SP140: variants seen among roughly 807,000 people sequenced by gnomAD.
The protein encoded by SP140 is SP140 nuclear body protein, also known as nuclear body protein SP140.
A neutral mutation model predicts 125.0 loss-of-function variants in SP140; 81 were observed. That is an observed-to-expected ratio of 0.65 (90% confidence interval 0.54 to 0.78). SP140 has a LOEUF of 0.78. Ranked by LOEUF, SP140 falls within the 30% of genes least tolerant of loss-of-function variation. The pLI, the probability that SP140 is intolerant of heterozygous loss-of-function variation, is 0.00. For missense variants in SP140, 858 were observed against 1,037.0 expected, an observed-to-expected ratio of 0.83 and a Z score of 2.37; for synonymous variants, 312 against 354.0, an observed-to-expected ratio of 0.88 and a Z score of 1.33.
intron 3 of SP140, among the ~76,000 whole-genome samples, chr2:230,215,295 T>C (rs894490218): frequency 2.0e-5 from 3 of 152,208 alleles, no homozygotes; most frequent in Non-Finnish European, 4.4e-5. Flanking sequence ...TGCTTATTTT[T>C]GAAACTTTAC....
chr2:230,201,106 G>A, upstream of SP140: 1 of 736,300 alleles, frequency 1.4e-6, no homozygotes, highest in Non-Finnish European at 2.4e-6. Flanking sequence ...CATCTACCAA[G>A]AGATTTGGTG....
chr2:230,234,138 A>G (rs1045864261), intron 1 of SP140, among the ~76,000 whole-genome samples: 1 of 152,218 alleles, frequency 6.6e-6, no homozygotes. Flanking sequence ...CGTCCTACAC[A>G]GTGTCAGTAA....
chr2:230,213,219 G>A (rs1215256372), intron 1 of SP140, among the ~76,000 whole-genome samples: 1 of 152,058 alleles, frequency 6.6e-6, no homozygotes, highest in Admixed American at 6.5e-5. Context: ...TCTGGTTTGG[G>A]CATTGAGTGC....
chr2:230,297,314 C>T (rs556408845), intron 21 of SP140, 107 bp from the exon 22 acceptor site: 27 of 1,330,660 alleles, frequency 2.0e-5, no homozygotes, highest in Non-Finnish European at 2.5e-5. Context: ...TATTTTTTAA[C>T]AACTGGTTCC....
At chr2:230,223,646 A>T (rs745447782), upstream of SP140, among the ~76,000 whole-genome samples, 8 of 152,258 alleles carry the variant, frequency 5.3e-5, no homozygotes, top group African/African-American at 1.7e-4. Context: ...GTTATCTGAC[A>T]TAATTGGACA....
At chr2:230,223,857 A>G (rs1322024966), upstream of SP140, among the ~76,000 whole-genome samples, 1 of 152,202 alleles carries the variant, frequency 6.6e-6, no homozygotes, top group East Asian at 1.9e-4. Flanking sequence ...GAAAGCATTG[A>G]TTTACCTTTG....
chr2:230,186,413 G>C, the SP140 span, among the ~76,000 whole-genome samples: 20 of 152,112 alleles, frequency 1.3e-4, no homozygotes, highest in African/African-American at 4.8e-4. Context: ...CCAGGACCTA[G>C]GACAGATACC....
intron 9 of SP140, 107 bp downstream of exon 9, chr2:230,249,075 C>A (rs1196643648): frequency 5.3e-6 from 4 of 747,882 alleles, no homozygotes; most frequent in Non-Finnish European, 9.0e-6. Flanking sequence ...TCTTCACATT[C>A]GCATACATAC....
chr2:230,269,430 A>G, intron 12 of SP140, 102 bp from the exon 13 acceptor site: 1 of 773,374 alleles, frequency 1.3e-6, no homozygotes, highest in Non-Finnish European at 2.3e-6. Flanking sequence ...AGAACAGTTC[A>G]TCTTAGCTCA....
At position 230,237,290 on chromosome 2, in the gene SP140, C is replaced by A. The variant is rs774643387; in HGVS notation, c.237+30C>A. 9 of 1,598,436 alleles carry A rather than the reference C, an allele frequency of 5.6e-6. No homozygotes were observed. In the Admixed American group the frequency reaches 1.5e-4, roughly 27 times the overall value. On this transcript the variant is annotated intron_variant, in intron 2 of 26. Transcript: ENST00000392045. The surrounding 1 kb of genome is among the most constrained non-coding windows in gnomAD (Gnocchi z 5.4). ...GTAAGAATTTCCAAATGATGATAAA[C>A]CAGGTCCATACTCAATTATGCCAAA...
chr2:230,292,124 G>A (rs1000559594), intron 19 of SP140, among the ~76,000 whole-genome samples: 1 of 152,194 alleles, frequency 6.6e-6, no homozygotes, highest in African/African-American at 2.4e-5. Context: ...GCAGGGATAT[G>A]AAAATTTCTG....
At chr2:230,294,430 C>A in intron 21 of SP140, 112 bp downstream of exon 21, 1 of 736,506 alleles carries the variant, frequency 1.4e-6, no homozygotes, top group Non-Finnish European at 2.3e-6. Context: ...CTTTCACCTT[C>A]TTCACTACTC....
chr2:230,225,639 T>C (rs1237292073), upstream of SP140: 17 of 625,728 alleles, frequency 2.7e-5, no homozygotes, highest in Non-Finnish European at 4.3e-5. Flanking sequence ...CTGGCTCTGC[T>C]CCTCCTCCCT....
intron 19 of SP140, among the ~76,000 whole-genome samples, chr2:230,291,761 G>T (rs1215181978): frequency 6.6e-6 from 1 of 151,994 alleles, no homozygotes; most frequent in Non-Finnish European, 1.5e-5. Context: ...AGTTCTTTTG[G>T]GTATATAGTC....
intron 19 of SP140, 55 bp from the exon 20 acceptor site, chr2:230,292,591 A>G: frequency 1.9e-6 from 3 of 1,610,500 alleles, no homozygotes; most frequent in Non-Finnish European, 2.5e-6. Context: ...GAGTGGCCAT[A>G]GTCTGTGCGC....
At chr2:230,256,840 G>A (rs1474741080) in intron 12 of SP140, among the ~76,000 whole-genome samples, 1 of 152,130 alleles carries the variant, frequency 6.6e-6, no homozygotes, top group Non-Finnish European at 1.5e-5. Context: ...GAGACTAAAT[G>A]GTATTTTTGA....
intron 15 of SP140, among the ~76,000 whole-genome samples, chr2:230,282,492 T>G (rs2055728893): frequency 6.6e-6 from 1 of 152,142 alleles, no homozygotes. Flanking sequence ...TCAATTTTTT[T>G]CCTGCAACAT....
At chr2:230,299,082 G>A (rs1460676476) in intron 22 of SP140, among the ~76,000 whole-genome samples, 1 of 152,208 alleles carries the variant, frequency 6.6e-6, no homozygotes, top group Non-Finnish European at 1.5e-5. Flanking sequence ...CAGATAGGAG[G>A]CAGGACTAAC....
upstream of SP140, chr2:230,221,773 CT>C: frequency 1.3e-6 from 2 of 1,515,946 alleles, no homozygotes; most frequent in Non-Finnish European, 1.8e-6. Flanking sequence ...GCAAGAACTT[CT>C]TCCTTTAGAT....
Sources: gnomAD v4.1 joint callset for allele counts (sites outside exome capture counted in the v4.1 genomes callset) on GRCh38, gnomAD v4.1.1 for gene constraint, Gnocchi (gnomAD v3.1) non-coding constraint, MANE v1.5 for transcripts, NCBI Gene and HGNC (gene_info 2026-07-23, HGNC 2026-07-21) for gene names.